TMEM132D: variants seen among roughly 807,000 people sequenced by gnomAD.
The protein encoded by TMEM132D is transmembrane protein 132D, also known as mature OL transmembrane protein.
TMEM132D carries 21 observed loss-of-function variants against 62.3 expected under a neutral mutation model. The observed-to-expected ratio is 0.34, with a 90% CI of 0.24 to 0.49. The LOEUF (loss-of-function observed/expected upper bound fraction) is 0.49. Among genes scored for constraint, TMEM132D ranks in the 20% least tolerant of loss-of-function variants. The pLI, the probability that TMEM132D is intolerant of heterozygous loss-of-function variation, is 0.99. For synonymous variants in TMEM132D, 621 were observed against 575.6 expected (o/e 1.08, Z -1.13); for missense variants, 1,346 against 1,402.8 (o/e 0.96, Z 0.65).
intron 2 of TMEM132D, among the ~76,000 whole-genome samples, chr12:129,666,289 C>T (rs1169392760): frequency 6.6e-6 from 1 of 152,078 alleles, no homozygotes; most frequent in Non-Finnish European, 1.5e-5. Flanking sequence ...CTGAATCTTC[C>T]GTTTGTCTGC....
chr12:129,368,032 AT>A (rs1421732857), intron 3 of TMEM132D, among the ~76,000 whole-genome samples: 1 of 152,006 alleles, frequency 6.6e-6, no homozygotes, highest in Non-Finnish European at 1.5e-5. Flanking sequence ...ACCTCAAGTG[AT>A]TCACCCACCT....
At chr12:129,125,818 T>C (rs781410584) in intron 5 of TMEM132D, among the ~76,000 whole-genome samples, 1 of 152,168 alleles carries the variant, frequency 6.6e-6, no homozygotes, top group Admixed American at 6.5e-5. Flanking sequence ...CCTGCTGCAT[T>C]GAGCACCAGT....
chr12:129,655,498 C>T (rs1306142656), intron 2 of TMEM132D, among the ~76,000 whole-genome samples: 3 of 152,128 alleles, frequency 2.0e-5, no homozygotes, highest in East Asian at 3.9e-4. Flanking sequence ...CTGCCTGCCT[C>T]GGCCTCTCAA....
At position 129,859,637 on chromosome 12, in the gene TMEM132D, G is replaced by A. The variant is rs189572162; in HGVS notation, c.79+43624C>T. 2.2e-3 allele frequency among the ~76,000 whole-genome samples: 330 copies of A among 152,240 alleles called. 1 individual carries two copies. Among genetic ancestry groups the A allele is most frequent in the African/African-American group, 7.2e-3 (298 of 41,538 alleles). On this transcript the variant is annotated intron_variant, in intron 1 of 8. Transcript: ENST00000422113. ...GCACCAACCAATCAGCTGCCAACGC[G>A]GCTAGAAAAAAGCAGGCAAAGAGGG...
intron 4 of TMEM132D, among the ~76,000 whole-genome samples, chr12:129,287,100 C>T (rs1593323999): frequency 6.6e-6 from 1 of 151,220 alleles, no homozygotes; most frequent in Admixed American, 6.6e-5. Context: ...ATGGCTGATT[C>T]CAGCCTAAAA....
At chr12:129,172,895 G>A (rs1275837154) in intron 5 of TMEM132D, among the ~76,000 whole-genome samples, 1 of 152,084 alleles carries the variant, frequency 6.6e-6, no homozygotes, top group African/African-American at 2.4e-5. Context: ...TTTCAATATT[G>A]TGTCTCAGGG....
chr12:129,800,104 C>T lies in TMEM132D; in HGVS notation c.80-99406G>A, dbSNP rs1006455615. Among the ~76,000 whole-genome samples the T allele has an allele frequency of 1.4e-4, 22 of 152,148 alleles. 1 individual carries two copies. Among genetic ancestry groups the T allele is most frequent in the Non-Finnish European group, 2.8e-4 (19 of 68,026 alleles). ...CTAGGGTCCAACCCCAGCACATCTCCCCTGCCATGACTGAATTTCTCCTAA... is the reference window on the plus strand; with the variant it reads ...CTAGGGTCCAACCCCAGCACATCTCTCCTGCCATGACTGAATTTCTCCTAA... On this transcript the variant is annotated intron_variant, in intron 1 of 8. Transcript: ENST00000422113.
intron 1 of TMEM132D, among the ~76,000 whole-genome samples, chr12:129,735,032 G>A (rs1376166647): frequency 5.9e-5 from 9 of 151,742 alleles, no homozygotes; most frequent in South Asian, 2.1e-4. Flanking sequence ...ACAGTACGAC[G>A]ACAAAAAGAA....
intron 2 of TMEM132D, among the ~76,000 whole-genome samples, chr12:129,593,983 G>A (rs988550489): frequency 1.3e-5 from 2 of 152,040 alleles, no homozygotes; most frequent in African/African-American, 4.8e-5. Flanking sequence ...GTATCATTTA[G>A]TGTCAGACTA....
At chr12:129,420,306 G>GTCTTTTTTTTTTTTT (rs1872267760) in intron 3 of TMEM132D, among the ~76,000 whole-genome samples, 1 of 112,300 alleles carries the variant, frequency 8.9e-6, no homozygotes, top group African/African-American at 4.0e-5. Flanking sequence ...CACGTTCTCT[G>GTCTTTTTTTTTTTTT]TTTTTTTTTT....
At chr12:129,318,064 T>A (rs964763219) in intron 4 of TMEM132D, among the ~76,000 whole-genome samples, 2 of 152,198 alleles carry the variant, frequency 1.3e-5, no homozygotes, top group Admixed American at 1.3e-4. Flanking sequence ...TTGTTTGGAT[T>A]TCCTTGCATT....
chr12:129,191,958 A>G (rs1438866070), intron 5 of TMEM132D, among the ~76,000 whole-genome samples: 3 of 152,218 alleles, frequency 2.0e-5, no homozygotes, highest in African/African-American at 7.2e-5. Flanking sequence ...CTTCATTCAA[A>G]TCAGTTACAA....
intron 3 of TMEM132D, among the ~76,000 whole-genome samples, chr12:129,459,211 G>A (rs1873578227): frequency 6.6e-6 from 1 of 152,108 alleles, no homozygotes; most frequent in African/African-American, 2.4e-5. Flanking sequence ...AGTGAGGCCT[G>A]GTAATCGCTG....
intron 5 of TMEM132D, among the ~76,000 whole-genome samples, chr12:129,140,214 C>CCACA (rs58179230): frequency 0.45 from 66,358 of 148,382 alleles, 14,885 homozygotes; most frequent in South Asian, 0.58. Flanking sequence ...GGCGCTGTTA[C>CCACA]CACACACACA....
intron 3 of TMEM132D, among the ~76,000 whole-genome samples, chr12:129,338,579 T>C (rs1257677895): frequency 1.3e-5 from 2 of 152,148 alleles, no homozygotes; most frequent in Non-Finnish European, 2.9e-5. Context: ...TAGAAAAATG[T>C]AGATTTGGTG....
At chr12:129,632,258 C>T (rs1463095105) in intron 2 of TMEM132D, among the ~76,000 whole-genome samples, 1 of 152,104 alleles carries the variant, frequency 6.6e-6, no homozygotes, top group Admixed American at 6.6e-5. Context: ...ATCCTGCCCT[C>T]GGTGGCTGAG....
At chr12:129,278,813 G>T (rs1236493412) in intron 4 of TMEM132D, among the ~76,000 whole-genome samples, 1 of 152,174 alleles carries the variant, frequency 6.6e-6, no homozygotes, top group Non-Finnish European at 1.5e-5. Flanking sequence ...TGTCATGGGT[G>T]TTAACAACTA....
At chr12:129,380,270 G>A (rs1390612904) in intron 3 of TMEM132D, among the ~76,000 whole-genome samples, 11 of 151,914 alleles carry the variant, frequency 7.2e-5, no homozygotes, top group Admixed American at 1.3e-4. Flanking sequence ...GCAGGCAAAC[G>A]TCTAGAAAAA....
chr12:129,654,847 CAG>C (rs954839444), intron 2 of TMEM132D, among the ~76,000 whole-genome samples: 1 of 152,232 alleles, frequency 6.6e-6, no homozygotes, highest in African/African-American at 2.4e-5. Flanking sequence ...CCCCTTCAAA[CAG>C]AGAGAGAAAC....
Sources: allele counts gnomAD v4.1 joint callset (sites outside exome capture counted in the v4.1 genomes callset), GRCh38; gene constraint gnomAD v4.1.1; transcripts MANE v1.5; gene names NCBI Gene and HGNC (gene_info 2026-07-23, HGNC 2026-07-21).